Variants in LRP1B observed in about 807,000 individuals in gnomAD.
The protein encoded by LRP1B is LDL receptor related protein 1B, also known as low-density lipoprotein receptor-related protein 1B.
LRP1B carries 217 observed loss-of-function variants against 556.6 expected under a neutral mutation model. The ratio of observed to expected loss-of-function variants is 0.39; its 90% confidence interval spans 0.35 to 0.44. LRP1B has a LOEUF of 0.44. Among genes scored for constraint, LRP1B ranks in the 20% least tolerant of loss-of-function variants. LRP1B has a pLI of 1.00. For missense variants in LRP1B, 5,053 were observed against 5,620.8 expected, an observed-to-expected ratio of 0.90 and a Z score of 3.23; for synonymous variants, 2,047 against 1,865.8, an observed-to-expected ratio of 1.10 and a Z score of -2.50.
At chr2:140,606,695 A>G (rs762548626) in intron 41 of LRP1B, among the ~76,000 whole-genome samples, 1 of 152,074 alleles carries the variant, frequency 6.6e-6, no homozygotes, top group Non-Finnish European at 1.5e-5. Context: ...GAGAAAAAAA[A>G]TTATCTCAAA....
intron 3 of LRP1B, among the ~76,000 whole-genome samples, chr2:141,308,343 T>C (rs1252288709): frequency 1.3e-5 from 2 of 152,202 alleles, no homozygotes; most frequent in Non-Finnish European, 2.9e-5. Flanking sequence ...CTGGATTTAT[T>C]ATAATGTAAG....
chr2:140,570,709 C>T (rs973710252), intron 43 of LRP1B, among the ~76,000 whole-genome samples: 5 of 151,498 alleles, frequency 3.3e-5, no homozygotes, highest in Admixed American at 6.6e-5. Flanking sequence ...CAAATAAGGA[C>T]ACCACAAAAA....
At position 140,776,228 on chromosome 2, in the gene LRP1B, C is replaced by A. The variant is rs780323925; in HGVS notation, c.5370G>T (p.Leu1790=). Residue 1790 remains leucine (L), a synonymous_variant, in exon 33 of 91, where the codon CTG becomes CTT. Coordinates refer to ENST00000389484, the MANE Select transcript of LRP1B (RefSeq NM_018557.3). ...ATALTIMDKK[L]WWADQNLAQL... is the part of the protein sequence containing the mutation. ...GGGCTAAGTTTTGGTCTGCCCACCA[C>A]AGTTTCTTATCTAGAAAAAGGAAAG... is the stretch of plus-strand genomic sequence containing the variant. The A allele has an allele frequency of 6.3e-7, 1 of 1,588,888 alleles. No individual in the cohort carries two copies. The highest frequency in any genetic ancestry group is 1.8e-5 in the Admixed American group (1 of 56,032).
intron 72 of LRP1B, among the ~76,000 whole-genome samples, chr2:140,359,260 C>T (rs1296422791): frequency 6.6e-6 from 1 of 151,588 alleles, no homozygotes; most frequent in Non-Finnish European, 1.5e-5. Context: ...TACAATTATG[C>T]AATATGGCAG....
intron 41 of LRP1B, among the ~76,000 whole-genome samples, chr2:140,651,739 G>A (rs1016045709): frequency 2.6e-5 from 4 of 152,024 alleles, no homozygotes; most frequent in African/African-American, 9.7e-5. Context: ...CATGAACACT[G>A]AGTATTAGAT....
chr2:141,351,744 G>A (rs1332468294), intron 3 of LRP1B, among the ~76,000 whole-genome samples: 2 of 151,992 alleles, frequency 1.3e-5, no homozygotes, highest in Non-Finnish European at 2.9e-5. Context: ...GCTTGAGGGA[G>A]ATTAAAGAGG....
At chr2:142,047,738 G>C (rs1241605918) in intron 1 of LRP1B, among the ~76,000 whole-genome samples, 2 of 151,674 alleles carry the variant, frequency 1.3e-5, no homozygotes, top group African/African-American at 2.4e-5. Flanking sequence ...CTCTAAAAAA[G>C]GCCCTTAAAC....
intron 2 of LRP1B, among the ~76,000 whole-genome samples, chr2:141,511,037 T>C (rs1441946054): frequency 6.6e-6 from 1 of 151,988 alleles, no homozygotes; most frequent in Non-Finnish European, 1.5e-5. Flanking sequence ...TTTCTTAAGG[T>C]AATAAGGTTA....
chr2:140,607,248 T>C (rs181553263), intron 41 of LRP1B, among the ~76,000 whole-genome samples: 38 of 152,264 alleles, frequency 2.5e-4, no homozygotes, highest in African/African-American at 8.9e-4. Flanking sequence ...ATATTCATTA[T>C]GACGACTGCA....
At chr2:141,446,019 AT>A (rs778109960) in intron 3 of LRP1B, among the ~76,000 whole-genome samples, 4 of 152,144 alleles carry the variant, frequency 2.6e-5, no homozygotes, top group Non-Finnish European at 4.4e-5. Flanking sequence ...ACAGTGGGAT[AT>A]CAAAATCTCC....
chr2:140,588,973 A>C (rs956089029), intron 43 of LRP1B, among the ~76,000 whole-genome samples: 1 of 152,038 alleles, frequency 6.6e-6, no homozygotes, highest in Non-Finnish European at 1.5e-5. Context: ...AAAGAAAAAA[A>C]AAAAAAAAAG....
intron 11 of LRP1B, among the ~76,000 whole-genome samples, chr2:141,037,248 A>C (rs1450966260): frequency 6.6e-6 from 1 of 152,120 alleles, no homozygotes; most frequent in African/African-American, 2.4e-5. Context: ...CCGTAAAGGT[A>C]ATTATAACAA....
chr2:141,370,843 A>AG (rs1371175522), intron 3 of LRP1B, among the ~76,000 whole-genome samples: 1 of 152,152 alleles, frequency 6.6e-6, no homozygotes, highest in African/African-American at 2.4e-5. Flanking sequence ...ATATGGATCC[A>AG]GTTTCATTCT....
At chr2:140,639,299 T>A (rs1316632413) in intron 41 of LRP1B, among the ~76,000 whole-genome samples, 1 of 152,218 alleles carries the variant, frequency 6.6e-6, no homozygotes, top group Non-Finnish European at 1.5e-5. Context: ...CTAATCATCT[T>A]TCATCTTGAA....
intron 7 of LRP1B, among the ~76,000 whole-genome samples, chr2:141,187,724 C>T (rs1037103872): frequency 4.0e-5 from 6 of 151,714 alleles, no homozygotes; most frequent in African/African-American, 1.5e-4. Context: ...GGAATTTAAA[C>T]ATTTTATGAC....
chr2:140,270,166 G>A, intron 86 of LRP1B, 76 bp downstream of exon 86: 2 of 1,019,664 alleles, frequency 2.0e-6, no homozygotes, highest in Non-Finnish European at 3.1e-6. Context: ...CCCAGAAAAG[G>A]AGAATAATAG....
rs183370195 is a variant in LRP1B, at chr2:140,612,856, G to A, written c.6800-11217C>T. Among the ~76,000 whole-genome samples, 444 of 151,950 alleles carry A rather than the reference G, an allele frequency of 2.9e-3. 5 individuals carry two copies. The highest frequency in any genetic ancestry group is 0.01 in the African/African-American group (433 of 41,474). On this transcript the variant is annotated intron_variant, in intron 41 of 90. Coordinates refer to ENST00000389484, the MANE Select transcript of LRP1B (RefSeq NM_018557.3). ...AATTTTCTTATTATACTTTTTTTAG[G>A]AAGTGGAAGATTACCGGAGGAAGGA...
intron 43 of LRP1B, among the ~76,000 whole-genome samples, chr2:140,545,303 G>C (rs1402486789): frequency 3.3e-5 from 5 of 151,830 alleles, no homozygotes; most frequent in Admixed American, 2.0e-4. Context: ...TATTACATTT[G>C]TCAATTTTTG....
intron 55 of LRP1B, among the ~76,000 whole-genome samples, chr2:140,496,448 C>T (rs998897343): frequency 6.6e-5 from 10 of 151,702 alleles, no homozygotes; most frequent in South Asian, 2.1e-4. Context: ...TGTAGGTGTC[C>T]GAATAAACAG....
Sources: allele counts gnomAD v4.1 joint callset (sites outside exome capture counted in the v4.1 genomes callset), GRCh38; gene constraint gnomAD v4.1.1; transcripts MANE v1.5; gene names NCBI Gene and HGNC (gene_info 2026-07-23, HGNC 2026-07-21).